The following ZFHX3 variants were observed in gnomAD, a reference collection of about 807,000 sequenced individuals.
ZFHX3 encodes zinc finger homeobox 3.
A neutral mutation model predicts 279.1 loss-of-function variants in ZFHX3; 42 were observed. That is an observed-to-expected ratio of 0.15 (90% CI 0.12 to 0.19). ZFHX3 has a LOEUF of 0.19. Among genes scored for constraint, ZFHX3 ranks in the 10% least tolerant of loss-of-function variants. ZFHX3 has a pLI of 1.00. For missense variants in ZFHX3, 4,981 were observed against 4,754.0 expected, an observed-to-expected ratio of 1.05 and a Z score of -1.40; for synonymous variants, 2,293 against 1,957.8, an observed-to-expected ratio of 1.17 and a Z score of -4.52.
intron 3 of ZFHX3, among the ~76,000 whole-genome samples, chr16:73,373,230 A>G (rs1362251407): frequency 6.6e-6 from 1 of 152,144 alleles, no homozygotes; most frequent in Non-Finnish European, 1.5e-5. Context: ...CTTCTCACCA[A>G]TTGGGTGGCT....
At chr16:73,460,937 A>G (rs1398651102) in intron 2 of ZFHX3, among the ~76,000 whole-genome samples, 1 of 152,214 alleles carries the variant, frequency 6.6e-6, no homozygotes, top group Non-Finnish European at 1.5e-5. Flanking sequence ...AGATGCCAGC[A>G]TCATGCTTCC....
intron 2 of ZFHX3, among the ~76,000 whole-genome samples, chr16:73,494,905 C>A (rs1429199101): frequency 2.0e-5 from 3 of 152,002 alleles, no homozygotes; most frequent in Non-Finnish European, 4.4e-5. Flanking sequence ...GGCACTGATA[C>A]AAGTTCCACT....
At chr16:73,556,887 G>A (rs1056871453) in intron 2 of ZFHX3, among the ~76,000 whole-genome samples, 2 of 151,636 alleles carry the variant, frequency 1.3e-5, no homozygotes, top group Admixed American at 6.6e-5. Flanking sequence ...CGAGGTCAAG[G>A]GATCGAGACC....
intron 5 of ZFHX3, among the ~76,000 whole-genome samples, chr16:73,160,057 C>T (rs1018115487): frequency 6.6e-6 from 1 of 152,130 alleles, no homozygotes; most frequent in Non-Finnish European, 1.5e-5. Context: ...GCCTCCACGC[C>T]CGGCCTAAGC....
chr16:73,388,225 T>C (rs1037983861), intron 3 of ZFHX3, among the ~76,000 whole-genome samples: 1 of 152,090 alleles, frequency 6.6e-6, no homozygotes, highest in Admixed American at 6.5e-5. Flanking sequence ...CTTGAGGAAG[T>C]GTCTATGTGT....
At chr16:72,931,455 A>ACACT (rs1491325336) in intron 3 of ZFHX3, among the ~76,000 whole-genome samples, 54 of 129,234 alleles carry the variant, frequency 4.2e-4, no homozygotes, top group Admixed American at 3.2e-3. Flanking sequence ...ACACACACAC[A>ACACT]CTCTTCAGCT....
In ZFHX3 at chr16:73,372,894, C is replaced by T. The variant is rs540427623; in HGVS notation, c.-1290-54558G>A. ...GTGACACCTACATCCGAAACATACACCCTCGCATGCAGACACCTTCACACA... is the reference window on the plus strand; with the variant it reads ...GTGACACCTACATCCGAAACATACATCCTCGCATGCAGACACCTTCACACA... On this transcript the variant is annotated intron_variant, in intron 3 of 17. Transcript: ENST00000641206. 3.9e-5 allele frequency among the ~76,000 whole-genome samples: 6 copies of T among 152,292 alleles called. No individual in the cohort carries two copies. In the South Asian group the frequency reaches 1.0e-3, roughly 26 times the overall value.
At chr16:73,698,725 G>C (rs890332316) in intron 1 of ZFHX3, among the ~76,000 whole-genome samples, 1 of 152,164 alleles carries the variant, frequency 6.6e-6, no homozygotes, top group African/African-American at 2.4e-5. Flanking sequence ...GGTCATGGAA[G>C]TTAAGGCCTG....
intron 1 of ZFHX3, among the ~76,000 whole-genome samples, chr16:73,692,574 A>C (rs765165309): frequency 3.3e-5 from 5 of 152,234 alleles, no homozygotes; most frequent in Non-Finnish European, 5.9e-5. Flanking sequence ...TTTTAACTGC[A>C]AGAATTACTC....
intron 3 of ZFHX3, among the ~76,000 whole-genome samples, chr16:72,921,176 T>G (rs1038684287): frequency 6.6e-6 from 1 of 151,812 alleles, no homozygotes; most frequent in Non-Finnish European, 1.5e-5. Context: ...GGAGCTCATT[T>G]CTGAATTACA....
At chr16:73,652,341 G>T (rs1035633117) in intron 2 of ZFHX3, among the ~76,000 whole-genome samples, 3 of 152,110 alleles carry the variant, frequency 2.0e-5, no homozygotes, top group East Asian at 3.9e-4. Flanking sequence ...AGGCTTAAAA[G>T]CAGTCAGCAG....
rs114532015 is a variant in ZFHX3, at chr16:72,842,128, C to A, written c.3449-12269G>T. Among the ~76,000 whole-genome samples, 1,328 of 152,258 alleles carry A rather than the reference C, an allele frequency of 8.7e-3. 26 individuals are homozygous for A. Among genetic ancestry groups the A allele is most frequent in the African/African-American group, 0.028 (1,150 of 41,538 alleles). Reference sequence around the variant, plus strand: ...CCTTCCGTGTACACACTGCAGTTGGCGGAAGCACTAGAAACCCGCTGACAG... The same window carrying A: ...CCTTCCGTGTACACACTGCAGTTGGAGGAAGCACTAGAAACCCGCTGACAG... On this transcript the variant is annotated intron_variant, in intron 4 of 9. Coordinates refer to ENST00000268489, the MANE Select transcript of ZFHX3 (RefSeq NM_006885.4).
intron 2 of ZFHX3, among the ~76,000 whole-genome samples, chr16:73,652,092 A>G (rs1387404257): frequency 6.6e-6 from 1 of 152,212 alleles, no homozygotes; most frequent in Non-Finnish European, 1.5e-5. Flanking sequence ...TCATACACAC[A>G]CCAAGAAGAT....
intron 7 of ZFHX3, among the ~76,000 whole-genome samples, chr16:72,805,484 C>T (rs2143536119): frequency 6.6e-6 from 1 of 152,266 alleles, no homozygotes; most frequent in Non-Finnish European, 1.5e-5. Flanking sequence ...TGAAGAAATT[C>T]AGACAAAAAG....
intron 2 of ZFHX3, among the ~76,000 whole-genome samples, chr16:73,675,829 T>G (rs536494752): frequency 6.6e-6 from 1 of 151,950 alleles, no homozygotes; most frequent in South Asian, 2.1e-4. Flanking sequence ...CACGCACATA[T>G]GCACACACAC....
At chr16:73,151,022 T>C (rs1966927887) in intron 5 of ZFHX3, among the ~76,000 whole-genome samples, 1 of 152,086 alleles carries the variant, frequency 6.6e-6, no homozygotes, top group Non-Finnish European at 1.5e-5. Context: ...AAGGAATAAA[T>C]GAATGCTACC....
At chr16:73,289,043 A>T (rs973910201) in intron 4 of ZFHX3, among the ~76,000 whole-genome samples, 1 of 149,764 alleles carries the variant, frequency 6.7e-6, no homozygotes, top group Admixed American at 6.7e-5. Flanking sequence ...CAAGTCCCCA[A>T]AGTACTGAAT....
chr16:73,070,099 G>A (rs1965803924), intron 8 of ZFHX3, among the ~76,000 whole-genome samples: 1 of 152,096 alleles, frequency 6.6e-6, no homozygotes, highest in African/African-American at 2.4e-5. Flanking sequence ...CATTTTTAAA[G>A]AACACTGCTT....
chr16:73,374,920 G>A (rs767883823), intron 3 of ZFHX3, among the ~76,000 whole-genome samples: 2 of 152,156 alleles, frequency 1.3e-5, no homozygotes, highest in African/African-American at 4.8e-5. Flanking sequence ...TGTCATAGGT[G>A]GTGGTATGGA....
Sources: allele counts gnomAD v4.1 joint callset (sites outside exome capture counted in the v4.1 genomes callset), GRCh38; gene constraint gnomAD v4.1.1; transcripts MANE v1.5; gene names NCBI Gene and HGNC (gene_info 2026-07-23, HGNC 2026-07-21).